Variants in ST3GAL3 observed in about 807,000 individuals in gnomAD.
ST3GAL3 encodes the protein ST3 beta-galactoside alpha-2,3-sialyltransferase 3.
In ST3GAL3, 21 loss-of-function variants were observed where a neutral mutation model predicts 50.1. The ratio of observed to expected loss-of-function variants is 0.42; its 90% CI spans 0.30 to 0.60. ST3GAL3 has a LOEUF of 0.60. ST3GAL3 is among the 20% of genes least tolerant of loss of function. ST3GAL3 has a pLI of 0.19. For missense variants in ST3GAL3, 353 were observed against 489.4 expected (o/e 0.72, Z 2.63); for synonymous variants, 183 against 190.0 (o/e 0.96, Z 0.30).
Position 43,736,304 on chromosome 1 carries a change from C to T in ST3GAL3, c.42C>T (p.Leu14=). 6.2e-7 allele frequency: 1 copy of T among 1,614,174 alleles called. No homozygotes were observed. Among genetic ancestry groups the T allele is most frequent in the East Asian group, 2.2e-5 (1 of 44,882 alleles). ...LVFVRNLLLA[L]CLFLVLGFLY... is the part of the protein sequence containing the mutation. ...TTGTGCGCAATCTGCTGCTAGCCCT[C>T]TGCCTCTTTCTGGTACTGGGATTTT... Residue 14 remains leucine (L), a synonymous_variant, in exon 2 of 12, where the codon CTC becomes CTT. Transcript: ENST00000347631.
intron 3 of ST3GAL3, among the ~76,000 whole-genome samples, chr1:43,794,474 G>A (rs1217818734): frequency 6.6e-6 from 1 of 152,148 alleles, no homozygotes; most frequent in African/African-American, 2.4e-5. Flanking sequence ...GCATAATTTG[G>A]TACAACCACT....
chr1:43,870,799 G>A (rs1337986230), intron 5 of ST3GAL3, among the ~76,000 whole-genome samples: 2 of 152,142 alleles, frequency 1.3e-5, no homozygotes, highest in Admixed American at 6.5e-5. Flanking sequence ...CTGCAGAGAG[G>A]CAAAGTGGAA....
At chr1:43,850,783 C>T in intron 5 of ST3GAL3, 1 of 873,758 alleles carries the variant, frequency 1.1e-6, no homozygotes, top group Non-Finnish European at 2.0e-6. Flanking sequence ...ACTTCAAATT[C>T]CAGAGTCATA....
At chr1:43,879,027 A>G (rs1479796235) in intron 5 of ST3GAL3, 2 of 456,214 alleles carry the variant, frequency 4.4e-6, no homozygotes, top group African/African-American at 2.0e-5. Context: ...GTGCTTACAG[A>G]GAAAACAAGA....
chr1:43,917,605 ATATATTATATAT>A (rs1428556127), intron 9 of ST3GAL3, among the ~76,000 whole-genome samples: 1 of 70,766 alleles, frequency 1.4e-5, no homozygotes, highest in Admixed American at 2.6e-4. Flanking sequence ...TATATATATT[ATATATTATATAT>A]TATATTATAT....
At chr1:43,716,458 TC>T (rs1190062784) in intron 1 of ST3GAL3, 5 of 152,310 alleles carry the variant, frequency 3.3e-5, no homozygotes, top group Admixed American at 6.5e-5. Context: ...ATTTAAAAGA[TC>T]CTATTACGGG....
At chr1:43,838,496 C>T (rs2064814098) in intron 5 of ST3GAL3, 185 bp downstream of exon 5, 2 of 620,536 alleles carry the variant, frequency 3.2e-6, no homozygotes, top group Non-Finnish European at 5.9e-6. Flanking sequence ...TTGCCTTACT[C>T]CCATCCTGCC....
intron 9 of ST3GAL3, among the ~76,000 whole-genome samples, chr1:43,902,415 G>T (rs183936171): frequency 3.9e-5 from 6 of 152,314 alleles, no homozygotes; most frequent in Admixed American, 1.3e-4. Context: ...GAAGGGGCAG[G>T]GGGGAAGATG....
rs77109301 is a variant in ST3GAL3 at position 43,739,816 on chromosome 1, C to T, written c.118+3436C>T. The stretch of plus-strand genomic sequence containing the variant: ...CTTTGTCTTGGGTAGTTTAGAGACA[C>T]TTGTGACCTAGGCTTGGTCAGGTTG... On this transcript the variant is annotated intron_variant, in intron 2 of 11. Transcript: ENST00000347631. Among the ~76,000 whole-genome samples the T allele has an allele frequency of 5.3e-3, 808 of 152,214 alleles. 16 individuals carry two copies. Among genetic ancestry groups the T allele is most frequent in the African/African-American group, 0.018 (751 of 41,530 alleles).
chr1:43,711,864 G>A (rs1273983104), intron 1 of ST3GAL3, among the ~76,000 whole-genome samples: 1 of 152,180 alleles, frequency 6.6e-6, no homozygotes, highest in Non-Finnish European at 1.5e-5. Flanking sequence ...AAGAAATTGG[G>A]AAATGTGTAA....
chr1:43,912,576 C>T (rs1349007028), intron 9 of ST3GAL3: 1 of 152,190 alleles, frequency 6.6e-6, no homozygotes, highest in Non-Finnish European at 1.5e-5. Flanking sequence ...TAGAGTCACC[C>T]CAGGAGAGTT....
intron 4 of ST3GAL3, among the ~76,000 whole-genome samples, chr1:43,827,669 A>T (rs2063000759): frequency 6.7e-6 from 1 of 149,716 alleles, no homozygotes; most frequent in Admixed American, 6.7e-5. Context: ...CACACAGCTA[A>T]TTTTTTTTTT....
chr1:43,782,466 C>G (rs1168826197), intron 2 of ST3GAL3, among the ~76,000 whole-genome samples: 1 of 152,178 alleles, frequency 6.6e-6, no homozygotes, highest in African/African-American at 2.4e-5. Flanking sequence ...TATATAGTGT[C>G]TTTCTCTACT....
Position 43,775,042 on chromosome 1 carries a change from T to A in ST3GAL3, c.119-17060T>A, listed in dbSNP as rs140658750. Among the ~76,000 whole-genome samples the A allele has an allele frequency of 3.9e-5, 6 of 152,244 alleles. No individual in the cohort carries two copies. The East Asian group carries it at 1.2e-3, about 29-fold the overall frequency. ...CCACACCTCCGTCCTCAGCCCCTAG[T>A]TACTTCCAGTCCCTGACTCCCTGAT... On this transcript the variant is annotated intron_variant, in intron 2 of 11. Coordinates refer to ENST00000347631, the MANE Select transcript of ST3GAL3 (RefSeq NM_006279.5).
chr1:43,723,155 C>T (rs145623194), intron 1 of ST3GAL3, among the ~76,000 whole-genome samples: 6,446 of 151,258 alleles, frequency 0.043, 241 homozygotes, highest in East Asian at 0.23. Flanking sequence ...ATTGCCCAGG[C>T]TGGAGTGCAG....
chr1:43,814,353 T>C (rs1014678807), intron 3 of ST3GAL3, among the ~76,000 whole-genome samples: 2 of 152,224 alleles, frequency 1.3e-5, no homozygotes, highest in African/African-American at 2.4e-5. Context: ...GATTGATCAC[T>C]TGTTAGAAGC....
chr1:43,892,835 C>T (rs1233520107), intron 5 of ST3GAL3, among the ~76,000 whole-genome samples: 3 of 152,180 alleles, frequency 2.0e-5, no homozygotes, highest in East Asian at 3.9e-4. Context: ...TTGGTGCAGG[C>T]TTATCCAGGG....
At chr1:43,833,038 C>T (rs935233669) in intron 4 of ST3GAL3, among the ~76,000 whole-genome samples, 1 of 152,152 alleles carries the variant, frequency 6.6e-6, no homozygotes, top group Non-Finnish European at 1.5e-5. Flanking sequence ...ATGCTTTAAA[C>T]TAAATTAGCA....
chr1:43,721,553 C>G (rs1326733031), intron 1 of ST3GAL3, among the ~76,000 whole-genome samples: 2 of 152,052 alleles, frequency 1.3e-5, no homozygotes, highest in Admixed American at 6.6e-5. Context: ...ATCCGCCCGC[C>G]TCAGCCTCCC....
Sources: gnomAD v4.1 joint callset for allele counts (sites outside exome capture counted in the v4.1 genomes callset) on GRCh38, gnomAD v4.1.1 for gene constraint, MANE v1.5 for transcripts, NCBI Gene and HGNC (gene_info 2026-07-23, HGNC 2026-07-21) for gene names.